TSPEAR: variants seen among roughly 807,000 people sequenced by gnomAD.
The protein encoded by TSPEAR is thrombospondin type laminin G domain and EAR repeats.
TSPEAR carries 69 observed loss-of-function variants against 71.6 expected under a neutral mutation model. The observed-to-expected ratio is 0.96, with a 90% CI of 0.79 to 1.18. The LOEUF (loss-of-function observed/expected upper bound fraction) is 1.18. TSPEAR is among the 50% of genes most tolerant of loss of function. The pLI is 0.00. For synonymous variants in TSPEAR, 402 were observed against 387.2 expected, an observed-to-expected ratio of 1.04 and a Z score of -0.45; for missense variants, 971 against 894.9, an observed-to-expected ratio of 1.09 and a Z score of -1.09.
At chr21:44,615,964 C>T (rs1982066029) in intron 1 of TSPEAR, among the ~76,000 whole-genome samples, 1 of 152,206 alleles carries the variant, frequency 6.6e-6, no homozygotes, top group South Asian at 2.1e-4. Flanking sequence ...GCCAGGGACG[C>T]CAAAGCCACT....
rs201496484 is a variant in TSPEAR, at chr21:44,580,247, C to T, written c.83-12242G>A. On this transcript the variant is annotated intron_variant, in intron 1 of 11. Coordinates refer to ENST00000323084, the MANE Select transcript of TSPEAR (RefSeq NM_144991.3). ...AGTTGGCTGGCAGCTAGACTGCTGGCAGCATGAAGAGGAATCCTTAGAGCA... is the reference window on the plus strand; with the variant it reads ...AGTTGGCTGGCAGCTAGACTGCTGGTAGCATGAAGAGGAATCCTTAGAGCA... The T allele has an allele frequency of 4.2e-5, 68 of 1,613,134 alleles. No individual in the cohort carries two copies. In the African/African-American group the frequency reaches 8.6e-4, roughly 20 times the overall value.
chr21:44,527,350 T>C lies in TSPEAR; in HGVS notation c.1091A>G (p.Tyr364Cys). 4 of 1,614,206 alleles carry C rather than the reference T, an allele frequency of 2.5e-6. No homozygotes were observed. Among genetic ancestry groups the C allele is most frequent in the Non-Finnish European group, 3.4e-6 (4 of 1,180,032 alleles). ...TGCTTGGTGCGTGGGGATGTTCTGA[T>C]ATGAGACGAACTTCTCTTCGGTCCA... is the stretch of plus-strand genomic sequence containing the variant. ...YKWTEEKFVS[Y>C]QNIPTHQAQA... The change falls in exon 7 of 12, where the codon TAT (tyrosine) becomes TGT (cysteine). Residue 364 changes from tyrosine (Y) to cysteine (C), a missense_variant. Tyr to Cys is a radical substitution (Grantham distance 194). Transcript: ENST00000323084.
chr21:44,675,519 A>G (rs1479577847), intron 1 of TSPEAR, among the ~76,000 whole-genome samples: 6 of 93,966 alleles, frequency 6.4e-5, no homozygotes, highest in African/African-American at 2.7e-4. Context: ...TGAATGAGAC[A>G]AGGATGCATT....
intron 2 of TSPEAR, chr21:44,557,983 GGGCTGCAA>G: frequency 6.5e-7 from 1 of 1,549,906 alleles, no homozygotes; most frequent in Non-Finnish European, 8.7e-7. Flanking sequence ...ACAGGGCTCA[GGGCTGCAA>G]GGATTTTCGG....
intron 1 of TSPEAR, chr21:44,702,671 G>A (rs9982940): frequency 0.22 from 347,693 of 1,568,154 alleles, 42,446 homozygotes; most frequent in African/African-American, 0.46. Context: ...GTCCCCTCCT[G>A]TTGTGCACCC....
chr21:44,503,170 TGGGTGGAAGCCGGCCTTGGTGAGCCCACA>T (rs2052081667), intron 11 of TSPEAR, among the ~76,000 whole-genome samples: 1 of 75,810 alleles, frequency 1.3e-5, no homozygotes, highest in Non-Finnish European at 2.5e-5. Context: ...GGTGAGCCCT[TGGGTGGAAGCCGGCCTTGGTGAGCCCACA>T]GGGGGGAAGC....
At chr21:44,502,990 G>A (rs1345277111) in intron 11 of TSPEAR, among the ~76,000 whole-genome samples, 5 of 74,120 alleles carry the variant, frequency 6.7e-5, no homozygotes, top group Non-Finnish European at 1.0e-4. Context: ...GCCCACAGTG[G>A]GGAAGCAAGG....
chr21:44,559,565 C>A (rs1049873176), intron 2 of TSPEAR, among the ~76,000 whole-genome samples: 19 of 152,314 alleles, frequency 1.2e-4, no homozygotes, highest in African/African-American at 4.6e-4. Flanking sequence ...GCTCCAAGGT[C>A]TCTTCCCTTA....
chr21:44,588,000 CAATAAAAACAGAGATAA>C (rs1477390314), intron 1 of TSPEAR, among the ~76,000 whole-genome samples: 1 of 152,100 alleles, frequency 6.6e-6, no homozygotes, highest in Non-Finnish European at 1.5e-5. Context: ...AAAGCAAATG[CAATAAAAACAGAGATAA>C]ATAGCTGGGA....
At chr21:44,681,631 G>A (rs1286881241) in intron 1 of TSPEAR, 5 of 609,226 alleles carry the variant, frequency 8.2e-6, no homozygotes, top group African/African-American at 3.7e-5. Context: ...ATGACTCTGG[G>A]ACCCCAGACT....
chr21:44,579,628 A>G, intron 1 of TSPEAR: 1 of 1,106,490 alleles, frequency 9.0e-7, no homozygotes, highest in Non-Finnish European at 1.3e-6. Context: ...GATTCCTGGG[A>G]GTATGGAGGG....
intron 1 of TSPEAR, chr21:44,611,945 G>A: frequency 1.3e-6 from 1 of 752,410 alleles, no homozygotes; most frequent in Non-Finnish European, 2.2e-6. Context: ...AATTAGGGTT[G>A]CCTGGAGGCA....
rs1471624955 is a variant in TSPEAR at position 44,506,484 on chromosome 21, G to C, written c.1755-1603C>G. ...GTTGTGGGGCCGGCCTGCAGCAGGG[G>C]CTCAGACAGGGCCTTGGGAGAGGGA... On this transcript the variant is annotated intron_variant, in intron 10 of 11. Transcript: ENST00000323084. The surrounding 1 kb of genome is among the most constrained non-coding windows in gnomAD (Gnocchi z 4.2). Among the ~76,000 whole-genome samples, 2 of 152,266 alleles carry C rather than the reference G, an allele frequency of 1.3e-5. No homozygotes were observed. The highest frequency in any genetic ancestry group is 2.9e-5 in the Non-Finnish European group (2 of 68,044).
intron 2 of TSPEAR, among the ~76,000 whole-genome samples, chr21:44,540,861 C>T (rs1241716770): frequency 6.6e-6 from 1 of 152,136 alleles, no homozygotes; most frequent in Non-Finnish European, 1.5e-5. Flanking sequence ...GGGTTTCGGA[C>T]AGGAAAGAAA....
At chr21:44,654,643 G>A (rs2070576) in intron 1 of TSPEAR, 16 of 1,464,680 alleles carry the variant, frequency 1.1e-5, no homozygotes, top group African/African-American at 4.2e-5. Flanking sequence ...GGGGGGCGCA[G>A]AGGACAGGGC....
rs1415467317 is a variant in TSPEAR, at chr21:44,710,339, A to C, written c.82+1094T>G. Among the ~76,000 whole-genome samples, 3 of 151,426 alleles carry C rather than the reference A, an allele frequency of 2.0e-5. No homozygotes were observed. Among genetic ancestry groups the C allele is most frequent in the African/African-American group, 7.3e-5 (3 of 41,132 alleles). ...TGGTTCCAGCACGGAAGGTCTACCT[A>C]CCTCCCACTGCACAGCCCGAGGGCT... On this transcript the variant is annotated intron_variant, in intron 1 of 11. Transcript: ENST00000323084. The surrounding 1 kb of genome is among the most constrained non-coding windows in gnomAD (Gnocchi z 4.6).
chr21:44,667,082 T>C (rs1985824324), intron 1 of TSPEAR, among the ~76,000 whole-genome samples: 1 of 152,230 alleles, frequency 6.6e-6, no homozygotes, highest in Non-Finnish European at 1.5e-5. Flanking sequence ...GTTTGGCCCT[T>C]AGCTTCATGA....
chr21:44,607,351 T>C (rs1279417946), intron 1 of TSPEAR, among the ~76,000 whole-genome samples: 2 of 152,380 alleles, frequency 1.3e-5, no homozygotes, highest in South Asian at 2.1e-4. Flanking sequence ...GTGCTGGGAT[T>C]ACAGGGCTTG....
chr21:44,694,067 G>A (rs993188527), intron 1 of TSPEAR, among the ~76,000 whole-genome samples: 5 of 152,132 alleles, frequency 3.3e-5, no homozygotes, highest in Non-Finnish European at 5.9e-5. Flanking sequence ...CTAAGAGTCC[G>A]GAAATAAAGC....
Sources: gnomAD v4.1 joint callset for allele counts (sites outside exome capture counted in the v4.1 genomes callset) on GRCh38, gnomAD v4.1.1 for gene constraint, Gnocchi (gnomAD v3.1) non-coding constraint, MANE v1.5 for transcripts, NCBI Gene and HGNC (gene_info 2026-07-23, HGNC 2026-07-21) for gene names.